Variants in TRPC1 observed in about 807,000 individuals in gnomAD.
TRPC1 encodes the protein short transient receptor potential channel 1.
Under a neutral mutation model 88.2 loss-of-function variants are expected in TRPC1, and 42 were observed. That is an observed-to-expected ratio of 0.48 (90% CI 0.37 to 0.62). The LOEUF is 0.62. Among genes scored for constraint, TRPC1 ranks in the 20% least tolerant of loss-of-function variants. The probability of loss-of-function intolerance (pLI) is 0.00; values close to 1 mark genes in which losing one functional copy is unlikely to be tolerated. For missense variants in TRPC1, 699 were observed against 957.3 expected (o/e 0.73, Z 3.56); for synonymous variants, 288 against 331.8 (o/e 0.87, Z 1.43).
chr3:142,806,424 C>A lies in TRPC1; in HGVS notation c.*189C>A. ...ATATAGAATTAGTTTTTTAAACCTT[C>A]TGTTAGTGGCTTTTTGCAGAAGCAA... On this transcript the variant is annotated 3_prime_UTR_variant, in exon 13 of 13. Coordinates refer to ENST00000476941, the MANE Select transcript of TRPC1 (RefSeq NM_001251845.2). The A allele has an allele frequency of 2.2e-6, 1 of 444,650 alleles. No individual in the cohort carries two copies. Among genetic ancestry groups the A allele is most frequent in the Middle Eastern group, 6.4e-4 (1 of 1,552 alleles). The allele number at this position is 444,650 out of a possible 1,614,324, so 27.5% of individuals were successfully genotyped here.
chr3:142,762,453 G>A (rs9811051), intron 4 of TRPC1, among the ~76,000 whole-genome samples: 3,791 of 112,936 alleles, frequency 0.034, 204 homozygotes, highest in African/African-American at 0.13. Flanking sequence ...TTTTTTTGAC[G>A]GAGTCTCGCT....
intron 4 of TRPC1, among the ~76,000 whole-genome samples, chr3:142,756,415 A>G (rs1934965827): frequency 6.8e-6 from 1 of 147,452 alleles, no homozygotes; most frequent in Non-Finnish European, 1.5e-5. Flanking sequence ...GCTGGAGTGC[A>G]GTGGCGCGAT....
chr3:142,756,361 C>CTTTT (rs749438384), intron 4 of TRPC1, among the ~76,000 whole-genome samples: 1 of 136,578 alleles, frequency 7.3e-6, no homozygotes. Flanking sequence ...TATGATGGTT[C>CTTTT]TTTTTTTTTT....
intron 4 of TRPC1, among the ~76,000 whole-genome samples, chr3:142,750,074 G>T (rs914594943): frequency 1.3e-5 from 2 of 152,152 alleles, no homozygotes; most frequent in Non-Finnish European, 2.9e-5. Context: ...TGACAAATGG[G>T]ATCTAATTAA....
intron 1 of TRPC1, among the ~76,000 whole-genome samples, chr3:142,728,318 T>G (rs865975166): frequency 6.7e-6 from 1 of 148,782 alleles, no homozygotes; most frequent in African/African-American, 2.5e-5. Context: ...AGGAAAAATG[T>G]TTTGATGACT....
In TRPC1 at chr3:142,741,111, TG is replaced by T. The variant is rs548168095; in HGVS notation, c.328-2373del. ...TCATAAATATGTAATAAGTATATAT[TG>T]AAGAGCTTTTAATAAAGAATCGTCA... On this transcript the variant is annotated intron_variant, in intron 2 of 12. Transcript: ENST00000476941. Among the ~76,000 whole-genome samples, 247 of 152,006 alleles carry T rather than the reference TG, an allele frequency of 1.6e-3. 1 individual carries two copies. The highest frequency in any genetic ancestry group is 4.6e-3 in the African/African-American group (191 of 41,442).
chr3:142,772,883 C>T (rs9836269), intron 4 of TRPC1, among the ~76,000 whole-genome samples: 54,994 of 152,064 alleles, frequency 0.36, 14,099 homozygotes, highest in African/African-American at 0.74. Context: ...TTATGAGGGT[C>T]GTGAAGGAAG....
At chr3:142,796,152 G>A (rs992953476) in intron 9 of TRPC1, among the ~76,000 whole-genome samples, 4 of 152,018 alleles carry the variant, frequency 2.6e-5, no homozygotes, top group Non-Finnish European at 4.4e-5. Context: ...GAGACATTAA[G>A]TAACTTGCGC....
intron 9 of TRPC1, among the ~76,000 whole-genome samples, chr3:142,795,077 A>G (rs746311815): frequency 6.6e-6 from 1 of 152,116 alleles, no homozygotes; most frequent in Non-Finnish European, 1.5e-5. Flanking sequence ...GACCTGAAAC[A>G]TGCACTGGAT....
At chr3:142,743,651 C>A (rs1560095966) in intron 3 of TRPC1, 65 bp downstream of exon 3, 1 of 957,590 alleles carries the variant, frequency 1.0e-6, no homozygotes, top group Non-Finnish European at 1.4e-6. Context: ...TGCCCCATTG[C>A]CATTTTTTCC....
chr3:142,747,281 T>C (rs1934590869), intron 3 of TRPC1, among the ~76,000 whole-genome samples: 1 of 152,204 alleles, frequency 6.6e-6, no homozygotes, highest in African/African-American at 2.4e-5. Flanking sequence ...TAAAATTCTT[T>C]CTGATTTTCT....
chr3:142,736,541 G>T lies in TRPC1; in HGVS notation c.327+8G>T, dbSNP rs372391848. The T allele has an allele frequency of 6.3e-7, 1 of 1,586,500 alleles. No individual in the cohort carries two copies. The highest frequency in any genetic ancestry group is 1.7e-4 in the Middle Eastern group (1 of 5,932). Reference sequence around the variant, plus strand: ...TTGGACTACGGTTGTCAGGTACAAGGCTAGATAATTTAATCCAGTTAACTT... The same window carrying T: ...TTGGACTACGGTTGTCAGGTACAAGTCTAGATAATTTAATCCAGTTAACTT... On this transcript the variant is annotated splice_region_variant and intron_variant, in intron 2 of 12. Coordinates refer to ENST00000476941, the MANE Select transcript of TRPC1 (RefSeq NM_001251845.2).
Position 142,748,375 on chromosome 3 carries a change from G to A in TRPC1, c.547G>A (p.Val183Ile), listed in dbSNP as rs768132715. ...TCTTACAATGCTCTTAAAACAGGAT[G>A]TATCTCTACCCAAGCCCCATGCAGT... is the stretch of plus-strand genomic sequence containing the variant. Reference protein sequence around the residue: ...EILTMLLKQDVSLPKPHAVGC... With the variant: ...EILTMLLKQDISLPKPHAVGC... Residue 183 changes from valine to isoleucine, a missense_variant, in exon 4 of 13, where the codon GTA becomes ATA. This residue lies in a region of TRPC1 where 426 missense variants were observed against 641.3 expected (regional missense o/e 0.66). Coordinates refer to ENST00000476941, the MANE Select transcript of TRPC1 (RefSeq NM_001251845.2). The A allele has an allele frequency of 5.0e-6, 8 of 1,614,112 alleles. No individual in the cohort carries two copies. The highest frequency in any genetic ancestry group is 2.2e-5 in the South Asian group (2 of 91,086).
chr3:142,743,812 AC>A (rs1210950586), intron 3 of TRPC1, among the ~76,000 whole-genome samples: 3 of 152,112 alleles, frequency 2.0e-5, no homozygotes, highest in Non-Finnish European at 4.4e-5. Flanking sequence ...GTCACTGTGG[AC>A]CAGTATTTAC....
chr3:142,796,738 C>T lies in TRPC1; in HGVS notation c.1581+3771C>T, dbSNP rs564305517. Among the ~76,000 whole-genome samples the T allele has an allele frequency of 3.9e-5, 6 of 152,140 alleles. No homozygotes were observed. In the South Asian group the frequency reaches 1.0e-3, roughly 26 times the overall value. ...CACCACAAAGTTAAGTGTAATAAAA[C>T]GAGGTATGCTTGTATTTTGAGGGCA... On this transcript the variant is annotated intron_variant, in intron 9 of 12. Coordinates refer to ENST00000476941, the MANE Select transcript of TRPC1 (RefSeq NM_001251845.2).
Position 142,748,396 on chromosome 3 carries a change from G to A in TRPC1, c.568G>A (p.Ala190Thr). The change falls in exon 4 of 13, where the codon GCA (alanine) becomes ACA (threonine). Residue 190 changes from alanine (A) to threonine (T), a missense_variant. By Grantham distance (58) the Ala-to-Thr change is moderately conservative. Transcript: ENST00000476941. ...KQDVSLPKPHAVGCECTLCSA... is the reference protein window; with the variant it reads ...KQDVSLPKPHTVGCECTLCSA... ...GGATGTATCTCTACCCAAGCCCCATGCAGTTGGCTGTGAATGCACATTGTG... is the reference window on the plus strand; with the variant it reads ...GGATGTATCTCTACCCAAGCCCCATACAGTTGGCTGTGAATGCACATTGTG... 1 of 1,614,136 alleles carries A rather than the reference G, an allele frequency of 6.2e-7. No individual in the cohort carries two copies. Among genetic ancestry groups the A allele is most frequent in the Non-Finnish European group, 8.5e-7 (1 of 1,179,992 alleles).
At chr3:142,728,448 G>T (rs1393055659) in intron 1 of TRPC1, among the ~76,000 whole-genome samples, 1 of 151,792 alleles carries the variant, frequency 6.6e-6, no homozygotes, top group Non-Finnish European at 1.5e-5. Context: ...CCTCCTGAGT[G>T]GCTGGGATTA....
At chr3:142,782,280 A>C (rs1043006135) in intron 6 of TRPC1, among the ~76,000 whole-genome samples, 10 of 152,202 alleles carry the variant, frequency 6.6e-5, no homozygotes, top group Admixed American at 6.5e-4. Flanking sequence ...AGATGAAAGA[A>C]AAGACAAGAA....
In TRPC1 at chr3:142,731,563, T is replaced by C. The variant is rs550033582; in HGVS notation, c.173-4816T>C. ...CCATGCCCGGCTAATTTTTTGTATT[T>C]TTAGTAGAGGCGGGGTTTCACTGTG... On this transcript the variant is annotated intron_variant, in intron 1 of 12. Coordinates refer to ENST00000476941, the MANE Select transcript of TRPC1 (RefSeq NM_001251845.2). Among the ~76,000 whole-genome samples the C allele has an allele frequency of 1.6e-3, 247 of 151,868 alleles. 1 individual carries two copies. Among genetic ancestry groups the C allele is most frequent in the African/African-American group, 5.7e-3 (236 of 41,408 alleles).
Sources: gnomAD v4.1 joint callset for allele counts (sites outside exome capture counted in the v4.1 genomes callset) on GRCh38, gnomAD v4.1.1 for gene constraint, gnomAD v4.1.1 regional missense constraint, MANE v1.5 for transcripts, NCBI Gene and HGNC (gene_info 2026-07-23, HGNC 2026-07-21) for gene names.